The following HS6ST3 variants were observed in gnomAD, a reference collection of about 807,000 sequenced individuals.
The protein encoded by HS6ST3 is heparan sulfate 6-O-sulfotransferase 3, also known as heparan-sulfate 6-O-sulfotransferase 3.
HS6ST3 carries 12 observed loss-of-function variants against 36.7 expected under a neutral mutation model. That is an observed-to-expected ratio of 0.33 (90% CI 0.21 to 0.53). HS6ST3 has a LOEUF of 0.53. Among genes scored for constraint, HS6ST3 ranks in the 20% least tolerant of loss-of-function variants. The probability of loss-of-function intolerance (pLI) is 0.95; values close to 1 mark genes in which losing one functional copy is unlikely to be tolerated. For missense variants in HS6ST3, 584 were observed against 640.9 expected (o/e 0.91, Z 0.96); for synonymous variants, 240 against 257.5 (o/e 0.93, Z 0.65).
At chr13:96,787,590 GT>G (rs950501004) in intron 1 of HS6ST3, among the ~76,000 whole-genome samples, 16 of 151,980 alleles carry the variant, frequency 1.1e-4, no homozygotes, top group African/African-American at 3.4e-4. Context: ...TGAAATGTCT[GT>G]TCAAATATTT....
intron 1 of HS6ST3, among the ~76,000 whole-genome samples, chr13:96,459,100 T>TAAAAAAAAA (rs747439262): frequency 2.3e-4 from 15 of 63,882 alleles, no homozygotes; most frequent in South Asian, 5.8e-4. Context: ...CAAGACTGTC[T>TAAAAAAAAA]AAAAAAAAAA....
At chr13:96,593,155 CTG>C (rs1176230717) in intron 1 of HS6ST3, among the ~76,000 whole-genome samples, 1 of 128,502 alleles carries the variant, frequency 7.8e-6, no homozygotes, top group African/African-American at 2.9e-5. Context: ...TCTCCTCTGA[CTG>C]TGTATTTTCT....
chr13:96,519,914 C>A (rs74106499), intron 1 of HS6ST3, among the ~76,000 whole-genome samples: 2 of 152,130 alleles, frequency 1.3e-5, no homozygotes, highest in Non-Finnish European at 2.9e-5. Context: ...CCTTCAATAT[C>A]AAAAATGAAG....
intron 1 of HS6ST3, among the ~76,000 whole-genome samples, chr13:96,164,291 A>AT (rs2054150825): frequency 6.6e-6 from 1 of 152,200 alleles, no homozygotes; most frequent in South Asian, 2.1e-4. Flanking sequence ...TTGCAGTAAC[A>AT]TGCTGCTTTC....
intron 1 of HS6ST3, among the ~76,000 whole-genome samples, chr13:96,293,931 C>G (rs1198592125): frequency 1.3e-5 from 2 of 152,062 alleles, no homozygotes; most frequent in East Asian, 3.9e-4. Context: ...TTGGCATTTT[C>G]AAGAGTCTCA....
intron 1 of HS6ST3, among the ~76,000 whole-genome samples, chr13:96,253,070 T>C (rs1055849547): frequency 2.0e-5 from 3 of 152,088 alleles, no homozygotes; most frequent in Non-Finnish European, 2.9e-5. Flanking sequence ...GTATTGCCCA[T>C]TGGGACCACA....
intron 1 of HS6ST3, among the ~76,000 whole-genome samples, chr13:96,163,511 G>A (rs1362935476): frequency 6.6e-6 from 1 of 152,120 alleles, no homozygotes; most frequent in East Asian, 1.9e-4. Flanking sequence ...TTACAGGCGT[G>A]AGCCACTGCA....
chr13:96,129,459 G>A (rs1055337624), intron 1 of HS6ST3, among the ~76,000 whole-genome samples: 23 of 152,284 alleles, frequency 1.5e-4, no homozygotes, highest in African/African-American at 5.1e-4. Context: ...AACATCTTCT[G>A]TTCTGGTTCT....
intron 1 of HS6ST3, among the ~76,000 whole-genome samples, chr13:96,536,440 A>C (rs1161098921): frequency 2.0e-5 from 3 of 152,224 alleles, no homozygotes; most frequent in Non-Finnish European, 4.4e-5. Context: ...ACAACATAAA[A>C]ATAAGATGCT....
chr13:96,716,759 T>C (rs1442016839), intron 1 of HS6ST3, among the ~76,000 whole-genome samples: 2 of 152,196 alleles, frequency 1.3e-5, no homozygotes, highest in Non-Finnish European at 2.9e-5. Flanking sequence ...TCTGTTCTTG[T>C]TCCATAAAGC....
intron 1 of HS6ST3, among the ~76,000 whole-genome samples, chr13:96,380,092 A>G (rs1178602793): frequency 6.6e-6 from 1 of 152,200 alleles, no homozygotes; most frequent in Non-Finnish European, 1.5e-5. Context: ...ATAGGTAGTC[A>G]TTGAACATTT....
At chr13:96,482,211 A>G (rs1253846488) in intron 1 of HS6ST3, among the ~76,000 whole-genome samples, 1 of 152,172 alleles carries the variant, frequency 6.6e-6, no homozygotes, top group Non-Finnish European at 1.5e-5. Flanking sequence ...AATGATATTT[A>G]CTAGTTACCT....
chr13:96,694,342 T>C (rs1281009245), intron 1 of HS6ST3, among the ~76,000 whole-genome samples: 1 of 152,178 alleles, frequency 6.6e-6, no homozygotes, highest in African/African-American at 2.4e-5. Flanking sequence ...AAGGACATGA[T>C]CTCATTCTTT....
intron 1 of HS6ST3, among the ~76,000 whole-genome samples, chr13:96,659,396 A>G (rs2056638579): frequency 6.6e-6 from 1 of 152,120 alleles, no homozygotes; most frequent in Non-Finnish European, 1.5e-5. Flanking sequence ...AATTCTTGAG[A>G]TAGCCCATAT....
At chr13:96,230,590 G>A (rs1244236004) in intron 1 of HS6ST3, among the ~76,000 whole-genome samples, 3 of 152,100 alleles carry the variant, frequency 2.0e-5, no homozygotes, top group Admixed American at 1.3e-4. Context: ...AGAAGAGGAG[G>A]TCCAAGGATG....
chr13:96,731,933 G>A (rs1876164835), intron 1 of HS6ST3, among the ~76,000 whole-genome samples: 1 of 152,104 alleles, frequency 6.6e-6, no homozygotes, highest in South Asian at 2.1e-4. Flanking sequence ...TGGGATTACA[G>A]GCATAATCTA....
chr13:96,295,967 T>C (rs967533412), intron 1 of HS6ST3, among the ~76,000 whole-genome samples: 10 of 152,140 alleles, frequency 6.6e-5, no homozygotes, highest in African/African-American at 2.2e-4. Context: ...ATCTTTGAGA[T>C]AGGGTTTCCA....
chr13:96,570,518 A>T (rs1245180675), intron 1 of HS6ST3, among the ~76,000 whole-genome samples: 2 of 152,218 alleles, frequency 1.3e-5, no homozygotes, highest in Non-Finnish European at 2.9e-5. Flanking sequence ...CGGGTCAGGG[A>T]GTTGAGACTT....
At chr13:96,415,272 G>A (rs963419971) in intron 1 of HS6ST3, among the ~76,000 whole-genome samples, 2 of 152,060 alleles carry the variant, frequency 1.3e-5, no homozygotes, top group Non-Finnish European at 2.9e-5. Context: ...GAGGGAGGGA[G>A]GTAGAGTCAT....
Sources: gnomAD v4.1 joint callset for allele counts (sites outside exome capture counted in the v4.1 genomes callset) on GRCh38, gnomAD v4.1.1 for gene constraint, MANE v1.5 for transcripts, NCBI Gene and HGNC (gene_info 2026-07-23, HGNC 2026-07-21) for gene names.